MAPK1IP1L: variants seen among roughly 807,000 people sequenced by gnomAD.
MAPK1IP1L encodes MAPK-interacting and spindle-stabilizing protein-like.
In MAPK1IP1L, 10 loss-of-function variants were observed where a neutral mutation model predicts 18.1. The ratio of observed to expected loss-of-function variants is 0.55; its 90% CI spans 0.34 to 0.94. The LOEUF (loss-of-function observed/expected upper bound fraction) is 0.94. Among genes scored for constraint, MAPK1IP1L ranks in the 40% least tolerant of loss-of-function variants. The pLI is 0.02. For synonymous variants in MAPK1IP1L, 115 were observed against 117.3 expected, an observed-to-expected ratio of 0.98 and a Z score of 0.13; for missense variants, 260 against 318.2, an observed-to-expected ratio of 0.82 and a Z score of 1.39.
chr14:55,064,491 A>C, intron 3 of MAPK1IP1L, 125 bp from the exon 4 acceptor site: 1 of 744,320 alleles, frequency 1.3e-6, no homozygotes. Flanking sequence ...AGTGTATGCC[A>C]GAGTAAATGA....
At position 55,062,829 on chromosome 14, in the gene MAPK1IP1L, C is replaced by A. The variant is rs2042828332; in HGVS notation, c.230C>A (p.Pro77His). ...ACAGGAATGTATCCCTCCGTGCCTC[C>A]CACCGGACCACCTCCAGGACCCCCA... ...APTGMYPSVP[P>H]TGPPPGPPAP... is the part of the protein sequence containing the mutation. The change falls in exon 3 of 4, where the codon CCC becomes CAC. Residue 77 changes from proline to histidine, a missense_variant. Pro to His is a moderately conservative substitution (Grantham distance 77, BLOSUM62 -2). Transcript: ENST00000395468. 2 of 1,614,084 alleles carry A rather than the reference C, an allele frequency of 1.2e-6. No homozygotes were observed. Among genetic ancestry groups the A allele is most frequent in the African/African-American group, 2.7e-5 (2 of 74,922 alleles).
chr14:55,063,418 CT>C, intron 3 of MAPK1IP1L, 93 bp downstream of exon 3: 1 of 1,149,922 alleles, frequency 8.7e-7, no homozygotes, highest in Non-Finnish European at 1.2e-6. Flanking sequence ...ATTAAGAAGG[CT>C]TTTAAGTTTT....
intron 3 of MAPK1IP1L, 104 bp downstream of exon 3, chr14:55,063,429 T>C: frequency 1.0e-6 from 1 of 983,876 alleles, no homozygotes; most frequent in Non-Finnish European, 1.5e-6. Flanking sequence ...TTTTAAGTTT[T>C]TAAAAGAGGG....
At chr14:55,063,689 C>T (rs955287500) in intron 3 of MAPK1IP1L, among the ~76,000 whole-genome samples, 1 of 152,072 alleles carries the variant, frequency 6.6e-6, no homozygotes, top group African/African-American at 2.4e-5. Flanking sequence ...AAGTACAGTT[C>T]AGTAAAAGCA....
chr14:55,064,039 A>T (rs2042842375), intron 3 of MAPK1IP1L: 2 of 105,458 alleles, frequency 1.9e-5, no homozygotes, highest in Admixed American at 1.4e-4. Flanking sequence ...TTTTTGAGAC[A>T]GTCTTGCTCT....
Position 55,064,756 on chromosome 14 carries a change from A to G in MAPK1IP1L, c.*129A>G. The G allele has an allele frequency of 1.3e-6, 1 of 793,218 alleles. No individual in the cohort carries two copies. The highest frequency in any genetic ancestry group is 2.5e-5 in the East Asian group (1 of 39,508). 49.1% of individuals were successfully genotyped at this position (793,218 alleles called of 1,614,324 possible). A position where few individuals can be genotyped will look rare whatever the true frequency, so the allele number is the denominator to read the frequency against. On this transcript the variant is annotated 3_prime_UTR_variant, in exon 4 of 4. Transcript: ENST00000395468. Reference sequence around the variant, plus strand: ...TGAAAGAACAACTCTTGCACCTCTCAGAGAAGATAACTGCCTCTTGTACTT... The same window carrying G: ...TGAAAGAACAACTCTTGCACCTCTCGGAGAAGATAACTGCCTCTTGTACTT...
chr14:55,053,282 T>C (rs55843949), intron 1 of MAPK1IP1L, among the ~76,000 whole-genome samples: 4 of 152,068 alleles, frequency 2.6e-5, no homozygotes, highest in East Asian at 1.9e-4. Flanking sequence ...GTTTGGAGAG[T>C]TGGACTTGTC....
In MAPK1IP1L at chr14:55,068,808, A is replaced by G. The variant is rs1460521713; in HGVS notation, c.*4181A>G. 1 of 152,262 alleles carries G rather than the reference A, an allele frequency of 6.6e-6. No individual in the cohort carries two copies. The highest frequency in any genetic ancestry group is 1.5e-5 in the Non-Finnish European group (1 of 68,042). The allele number at this position is 152,262 out of a possible 1,614,324, so 9.4% of individuals were successfully genotyped here. A position where few individuals can be genotyped will look rare whatever the true frequency, so the allele number is the denominator to read the frequency against. On this transcript the variant is annotated 3_prime_UTR_variant, in exon 4 of 4. Coordinates refer to ENST00000395468, the MANE Select transcript of MAPK1IP1L (RefSeq NM_144578.4). ...TCGAAAACATCTGAGTCATTTATTC[A>G]GTAGACAATATGTCCTTGATCCAGG...
At chr14:55,064,001 C>CTTT (rs2042840980) in intron 3 of MAPK1IP1L, 1 of 105,100 alleles carries the variant, frequency 9.5e-6, no homozygotes, top group Non-Finnish European at 1.8e-5. Context: ...AATCTGTTAA[C>CTTT]TCTTTTTTTT....
At chr14:55,062,477 T>G in intron 2 of MAPK1IP1L, 141 bp from the exon 3 acceptor site, 1 of 704,502 alleles carries the variant, frequency 1.4e-6, no homozygotes, top group Non-Finnish European at 2.3e-6. Flanking sequence ...GAGTATTTTT[T>G]AAATGACTAG....
intron 1 of MAPK1IP1L, among the ~76,000 whole-genome samples, chr14:55,056,745 G>T (rs1362862826): frequency 6.6e-6 from 1 of 152,134 alleles, no homozygotes; most frequent in Non-Finnish European, 1.5e-5. Flanking sequence ...TCCTGACTTC[G>T]TGATCCGCCC....
At chr14:55,054,149 A>G (rs1484354066) in intron 1 of MAPK1IP1L, among the ~76,000 whole-genome samples, 2 of 149,228 alleles carry the variant, frequency 1.3e-5, no homozygotes, top group Non-Finnish European at 3.0e-5. Context: ...AAAAACTAGC[A>G]TGTATTCTAA....
chr14:55,068,958 G>A lies in MAPK1IP1L; in HGVS notation c.*4331G>A, dbSNP rs1566766301. The A allele has an allele frequency of 6.6e-6, 1 of 151,438 alleles. No individual in the cohort carries two copies. Among genetic ancestry groups the A allele is most frequent in the Non-Finnish European group, 1.5e-5 (1 of 67,960 alleles). The allele number at this position is 151,438 out of a possible 1,614,324, so 9.4% of individuals were successfully genotyped here. A position where few individuals can be genotyped will look rare whatever the true frequency, so the allele number is the denominator to read the frequency against. On this transcript the variant is annotated 3_prime_UTR_variant, in exon 4 of 4. Coordinates refer to ENST00000395468, the MANE Select transcript of MAPK1IP1L (RefSeq NM_144578.4). ...CCTAAACGTGTTAGGATCACTACTG[G>A]TGGAAATTGTAACCAGCCTTTGGGC...
At chr14:55,059,021 A>C (rs990416366) in intron 1 of MAPK1IP1L, among the ~76,000 whole-genome samples, 1 of 151,940 alleles carries the variant, frequency 6.6e-6, no homozygotes, top group Admixed American at 6.6e-5. Context: ...CTGGGATTTG[A>C]GTATCTATGG....
Position 55,064,408 on chromosome 14 carries a change from C to T in MAPK1IP1L, c.727-208C>T, listed in dbSNP as rs1472336043. On this transcript the variant is annotated intron_variant, in intron 3 of 3. Transcript: ENST00000395468. ...AGGAAAAGAAATCTTTAAAGTACCCCTAAAACTTCCTCCTTGCATTAGTGT... is the reference window on the plus strand; with the variant it reads ...AGGAAAAGAAATCTTTAAAGTACCCTTAAAACTTCCTCCTTGCATTAGTGT... 4.6e-5 allele frequency among the ~76,000 whole-genome samples: 7 copies of T among 152,274 alleles called. No homozygotes were observed. In the East Asian group the frequency reaches 1.3e-3, roughly 29 times the overall value.
At chr14:55,052,175 TG>T (rs2042735343) in intron 1 of MAPK1IP1L, among the ~76,000 whole-genome samples, 1 of 145,668 alleles carries the variant, frequency 6.9e-6, no homozygotes, top group Admixed American at 6.8e-5. Context: ...TCGCTCCGGT[TG>T]ATCCCGGACT....
At chr14:55,061,062 A>G (rs911323610) in intron 1 of MAPK1IP1L, among the ~76,000 whole-genome samples, 2 of 152,130 alleles carry the variant, frequency 1.3e-5, no homozygotes, top group Non-Finnish European at 2.9e-5. Context: ...AGGCAAGAAG[A>G]TGACTTGAGC....
intron 1 of MAPK1IP1L, among the ~76,000 whole-genome samples, chr14:55,054,526 G>A (rs930567337): frequency 2.0e-5 from 3 of 152,040 alleles, no homozygotes; most frequent in Non-Finnish European, 2.9e-5. Context: ...GCTTAATTTC[G>A]CCTAACAAAT....
intron 1 of MAPK1IP1L, among the ~76,000 whole-genome samples, chr14:55,057,300 T>C (rs1164958956): frequency 6.6e-6 from 1 of 152,144 alleles, no homozygotes; most frequent in Non-Finnish European, 1.5e-5. Flanking sequence ...TATCTGGAAA[T>C]ACCAGAGAAT....
Sources: gnomAD v4.1 joint callset for allele counts (sites outside exome capture counted in the v4.1 genomes callset) on GRCh38, gnomAD v4.1.1 for gene constraint, MANE v1.5 for transcripts, NCBI Gene and HGNC (gene_info 2026-07-23, HGNC 2026-07-21) for gene names.